The following DOK6 variants were observed in gnomAD, a reference collection of about 807,000 sequenced individuals.
DOK6 encodes downstream of tyrosine kinase 6.
DOK6 carries 22 observed loss-of-function variants against 44.0 expected under a neutral mutation model. That is an observed-to-expected ratio of 0.50 (90% CI 0.36 to 0.71). DOK6 has a LOEUF of 0.71. Ranked by LOEUF, DOK6 falls within the 30% of genes least tolerant of loss-of-function variation. The pLI, the probability that DOK6 is intolerant of heterozygous loss-of-function variation, is 0.00. For missense variants in DOK6, 340 were observed against 416.4 expected (o/e 0.82, Z 1.60); for synonymous variants, 166 against 145.5 (o/e 1.14, Z -1.01).
At chr18:69,744,623 AC>A (rs1838971421) in intron 6 of DOK6, among the ~76,000 whole-genome samples, 2 of 152,094 alleles carry the variant, frequency 1.3e-5, no homozygotes, top group African/African-American at 4.8e-5. Context: ...AGTCTAAACA[AC>A]AACAACAAAA....
intron 7 of DOK6, among the ~76,000 whole-genome samples, chr18:69,827,525 T>G (rs764094506): frequency 6.6e-6 from 1 of 152,064 alleles, no homozygotes; most frequent in Non-Finnish European, 1.5e-5. Flanking sequence ...TAATTACATA[T>G]CAAACTTCTA....
rs1986783925 is a variant in DOK6 at position 69,712,328 on chromosome 18, T to TAAAA, written c.599+13735_599+13736insAAAA. Among the ~76,000 whole-genome samples, 7 of 33,728 alleles carry TAAAA rather than the reference T, an allele frequency of 2.1e-4. 1 individual carries two copies. Among genetic ancestry groups the TAAAA allele is most frequent in the African/African-American group, 3.6e-4 (3 of 8,442 alleles). The allele number at this position is 33,728 out of a possible 152,430, so 22.1% of individuals were successfully genotyped here. A position where few individuals can be genotyped will look rare whatever the true frequency, so the allele number is the denominator to read the frequency against. ...AAAAAAAAAAAAAAAAAAAAAAAATTTAACCTTTTCCGAATCACATTTGTG... is the reference window on the plus strand; with the variant it reads ...AAAAAAAAAAAAAAAAAAAAAAAATTAAAATAACCTTTTCCGAATCACATTTGTG... On this transcript the variant is annotated intron_variant, in intron 5 of 7. Coordinates refer to ENST00000382713, the MANE Select transcript of DOK6 (RefSeq NM_152721.6).
chr18:69,645,115 A>G (rs1034358850), intron 3 of DOK6, among the ~76,000 whole-genome samples: 2 of 152,204 alleles, frequency 1.3e-5, no homozygotes, highest in African/African-American at 4.8e-5. Flanking sequence ...ACACCGCTAA[A>G]ACCAGGAATT....
At chr18:69,401,418 G>A in intron 1 of DOK6, 108 bp downstream of exon 1, 2 of 1,238,864 alleles carry the variant, frequency 1.6e-6, no homozygotes, top group Non-Finnish European at 1.1e-6. Context: ...GGCAGAGAGG[G>A]ACCCGGCCCT....
intron 7 of DOK6, among the ~76,000 whole-genome samples, chr18:69,772,007 G>GT (rs1436209369): frequency 4.0e-5 from 5 of 125,774 alleles, no homozygotes; most frequent in Admixed American, 2.4e-4. Context: ...TGAGACCTCA[G>GT]TAAAAAAAAA....
chr18:69,600,081 A>G (rs1474828177), intron 3 of DOK6, among the ~76,000 whole-genome samples: 2 of 152,190 alleles, frequency 1.3e-5, no homozygotes, highest in Non-Finnish European at 2.9e-5. Flanking sequence ...GTAATATATT[A>G]GTTGGCTTGT....
intron 5 of DOK6, among the ~76,000 whole-genome samples, chr18:69,700,680 T>A (rs981627087): frequency 6.6e-6 from 1 of 152,204 alleles, no homozygotes; most frequent in African/African-American, 2.4e-5. Flanking sequence ...CATAATTTTG[T>A]GCATCTGTTT....
chr18:69,439,431 C>G (rs1280569019), intron 1 of DOK6, among the ~76,000 whole-genome samples: 2 of 152,216 alleles, frequency 1.3e-5, no homozygotes, highest in Non-Finnish European at 2.9e-5. Context: ...CTTCTCCTTT[C>G]TAGATATGAA....
intron 5 of DOK6, among the ~76,000 whole-genome samples, chr18:69,731,330 T>A (rs188779886): frequency 6.6e-6 from 1 of 152,274 alleles, no homozygotes; most frequent in South Asian, 2.1e-4. Context: ...AAATATTACA[T>A]CTTCCATTGA....
intron 3 of DOK6, chr18:69,662,707 T>TC (rs1433708081): frequency 6.6e-6 from 1 of 152,248 alleles, no homozygotes; most frequent in Non-Finnish European, 1.5e-5. Context: ...AGTTTTAAAA[T>TC]CTGCACTTTT....
At chr18:69,760,065 T>C (rs542174474) in intron 7 of DOK6, among the ~76,000 whole-genome samples, 1 of 152,270 alleles carries the variant, frequency 6.6e-6, no homozygotes. Flanking sequence ...TGGTTGATAG[T>C]AGGCAGGCAT....
intron 1 of DOK6, among the ~76,000 whole-genome samples, chr18:69,560,364 G>A (rs1367247938): frequency 1.3e-5 from 2 of 152,180 alleles, no homozygotes; most frequent in South Asian, 2.1e-4. Flanking sequence ...GCTATATGGT[G>A]AAGAGAGTAA....
Position 69,540,107 on chromosome 18 carries a change from G to A in DOK6, c.67-24380G>A, listed in dbSNP as rs112621063. Among the ~76,000 whole-genome samples, 938 of 152,188 alleles carry A rather than the reference G, an allele frequency of 6.2e-3. 12 individuals carry two copies. The highest frequency in any genetic ancestry group is 0.021 in the African/African-American group (863 of 41,524). On this transcript the variant is annotated intron_variant, in intron 1 of 7. Transcript: ENST00000382713. ...ACAGCATGGGGGAAACTGCCCCCAGGATCCAATCACCTCCCACCAGGGCCT... is the reference window on the plus strand; with the variant it reads ...ACAGCATGGGGGAAACTGCCCCCAGAATCCAATCACCTCCCACCAGGGCCT...
intron 1 of DOK6, among the ~76,000 whole-genome samples, chr18:69,512,568 T>C (rs1226402311): frequency 6.6e-6 from 1 of 152,072 alleles, no homozygotes; most frequent in Non-Finnish European, 1.5e-5. Flanking sequence ...GGTCTTGAAC[T>C]CCTAACCTCA....
At chr18:69,693,481 T>TA (rs1986314380) in intron 4 of DOK6, among the ~76,000 whole-genome samples, 1 of 152,132 alleles carries the variant, frequency 6.6e-6, no homozygotes, top group Non-Finnish European at 1.5e-5. Context: ...AAGCCTCTTT[T>TA]TATATATATA....
intron 1 of DOK6, among the ~76,000 whole-genome samples, chr18:69,546,650 C>T (rs1307488663): frequency 6.6e-6 from 1 of 151,574 alleles, no homozygotes; most frequent in African/African-American, 2.4e-5. Flanking sequence ...CTTGGTGCCT[C>T]TTAAAACAGA....
intron 5 of DOK6, among the ~76,000 whole-genome samples, chr18:69,699,402 C>T (rs535745935): frequency 6.6e-6 from 1 of 152,014 alleles, no homozygotes; most frequent in Non-Finnish European, 1.5e-5. Flanking sequence ...AATATTTACT[C>T]AATGTCACAT....
At chr18:69,623,730 C>T (rs915695611) in intron 3 of DOK6, among the ~76,000 whole-genome samples, 1 of 152,140 alleles carries the variant, frequency 6.6e-6, no homozygotes, top group Non-Finnish European at 1.5e-5. Flanking sequence ...TCATTTGAAT[C>T]TCATAATCAT....
At chr18:69,464,086 C>T (rs547955487) in intron 1 of DOK6, among the ~76,000 whole-genome samples, 17 of 152,276 alleles carry the variant, frequency 1.1e-4, no homozygotes, top group African/African-American at 4.1e-4. Context: ...TTTTAAAGTG[C>T]ACAGTTTATC....
Sources: allele counts gnomAD v4.1 joint callset (sites outside exome capture counted in the v4.1 genomes callset), GRCh38; gene constraint gnomAD v4.1.1; transcripts MANE v1.5; gene names NCBI Gene and HGNC (gene_info 2026-07-23, HGNC 2026-07-21).